PSAP: variants seen among roughly 807,000 people sequenced by gnomAD.
PSAP encodes the protein prosaposin.
Under a neutral mutation model 66.0 loss-of-function variants are expected in PSAP, and 25 were observed. That is an observed-to-expected ratio of 0.38 (90% confidence interval 0.28 to 0.53). The LOEUF (loss-of-function observed/expected upper bound fraction) is 0.53. Ranked by LOEUF, PSAP falls within the 20% of genes least tolerant of loss-of-function variation. The pLI, the probability that PSAP is intolerant of heterozygous loss-of-function variation, is 0.83. For missense variants in PSAP, 649 were observed against 668.8 expected, an observed-to-expected ratio of 0.97 and a Z score of 0.33; for synonymous variants, 273 against 258.9, an observed-to-expected ratio of 1.05 and a Z score of -0.52.
rs759428415 is a variant in PSAP, at chr10:71,819,482, C to T, written c.1333G>A (p.Asp445Asn). The change falls in exon 11 of 14, where the codon GAC becomes AAC. Residue 445 changes from aspartate to asparagine, a missense_variant. Asp to Asn is a conservative substitution (Grantham distance 23). Transcript: ENST00000394936. ...GGGCGTACCTGCTTCTGGTAAGGGT[C>T]TGGCAGGAAGCTGCAGCCTTTCTCA... ...ALEKGCSFLP[D>N]PYQKQCDQFV... 1.2e-6 allele frequency: 2 copies of T among 1,614,234 alleles called. No homozygotes were observed. The highest frequency in any genetic ancestry group is 1.7e-6 in the Non-Finnish European group (2 of 1,180,048).
At chr10:71,831,032 A>C in intron 4 of PSAP, 94 bp downstream of exon 4, 1 of 1,567,584 alleles carries the variant, frequency 6.4e-7, no homozygotes. Flanking sequence ...AGAGCTAAGA[A>C]CAGACTTTCC....
At chr10:71,822,711 T>TC in intron 7 of PSAP, 1 of 438,652 alleles carries the variant, frequency 2.3e-6, no homozygotes, top group Non-Finnish European at 4.8e-6. Context: ...ACTCTGTATA[T>TC]TGTGGAAATA....
intron 1 of PSAP, among the ~76,000 whole-genome samples, chr10:71,843,168 G>GA (rs1564826213): frequency 6.6e-6 from 1 of 152,104 alleles, no homozygotes; most frequent in Non-Finnish European, 1.5e-5. Flanking sequence ...GCAGGGACCC[G>GA]AATGCACAGA....
chr10:71,837,977 C>T (rs1483416249), intron 1 of PSAP, among the ~76,000 whole-genome samples: 1 of 152,164 alleles, frequency 6.6e-6, no homozygotes, highest in Admixed American at 6.5e-5. Flanking sequence ...GCCCCACACA[C>T]CCTAAGGTGA....
intron 1 of PSAP, among the ~76,000 whole-genome samples, chr10:71,842,328 T>C (rs895759558): frequency 2.6e-5 from 4 of 152,230 alleles, no homozygotes; most frequent in South Asian, 4.1e-4. Context: ...CACTAAATAT[T>C]TGTGTTTTGG....
At chr10:71,848,168 T>C (rs1184884205) in intron 1 of PSAP, among the ~76,000 whole-genome samples, 1 of 152,160 alleles carries the variant, frequency 6.6e-6, no homozygotes, top group Admixed American at 6.5e-5. Context: ...AGGTTAACAA[T>C]GTTTCCTTCG....
chr10:71,825,588 G>A, intron 7 of PSAP: 2 of 632,890 alleles, frequency 3.2e-6, no homozygotes, highest in Non-Finnish European at 5.8e-6. Context: ...AACGGGCAGA[G>A]GCAAACAAAT....
chr10:71,846,153 C>T (rs1467156715), intron 1 of PSAP, among the ~76,000 whole-genome samples: 1 of 152,016 alleles, frequency 6.6e-6, no homozygotes, highest in Non-Finnish European at 1.5e-5. Flanking sequence ...AAACAGCAAC[C>T]CAGTGAAATA....
chr10:71,833,027 A>C (rs888945943), intron 2 of PSAP, among the ~76,000 whole-genome samples: 1 of 134,060 alleles, frequency 7.5e-6, no homozygotes, highest in East Asian at 2.0e-4. Context: ...AAAAAAAAAA[A>C]AAAACAAAAA....
chr10:71,822,690 C>T (rs565516413), intron 7 of PSAP: 3 of 471,114 alleles, frequency 6.4e-6, no homozygotes, highest in African/African-American at 6.0e-5. Context: ...AAGAGTGAGA[C>T]AAGTGTATAG....
chr10:71,820,121 A>G, intron 9 of PSAP, 119 bp downstream of exon 9: 1 of 1,019,042 alleles, frequency 9.8e-7, no homozygotes, highest in Non-Finnish European at 1.6e-6. Flanking sequence ...CGAGATGGGG[A>G]CATGGCTGTA....
intron 1 of PSAP, among the ~76,000 whole-genome samples, chr10:71,850,058 A>G (rs1008072987): frequency 1.6e-3 from 59 of 37,814 alleles, no homozygotes; most frequent in African/African-American, 5.2e-3. Flanking sequence ...TAAGACAAGG[A>G]AAAAAAAATC....
Position 71,819,628 on chromosome 10 carries a change from T to G in PSAP, c.1193-6A>C. On this transcript the variant is annotated splice_polypyrimidine_tract_variant and splice_region_variant and intron_variant, in intron 10 of 13. Coordinates refer to ENST00000394936, the MANE Select transcript of PSAP (RefSeq NM_002778.4). ...CTTTGGCTGAGTCACGTGAACTACA[T>G]AAGAGGGCAGCGGGCTCAACGCTGG... 1 of 1,614,098 alleles carries G rather than the reference T, an allele frequency of 6.2e-7. No individual in the cohort carries two copies. Among genetic ancestry groups the G allele is most frequent in the Non-Finnish European group, 8.5e-7 (1 of 1,180,012 alleles).
intron 2 of PSAP, among the ~76,000 whole-genome samples, chr10:71,833,018 A>AAAAAG: frequency 7.4e-6 from 1 of 134,712 alleles, no homozygotes; most frequent in Non-Finnish European, 1.6e-5. Context: ...GTCCATCTCA[A>AAAAAG]AAAAAAAAAA....
chr10:71,830,223 A>AT (rs1842485283), intron 4 of PSAP, among the ~76,000 whole-genome samples: 1 of 152,116 alleles, frequency 6.6e-6, no homozygotes, highest in African/African-American at 2.4e-5. Context: ...ATTTTAGCAA[A>AT]TAACTCCACC....
intron 5 of PSAP, 93 bp downstream of exon 5, chr10:71,828,784 G>T: frequency 1.4e-6 from 2 of 1,411,618 alleles, no homozygotes; most frequent in Non-Finnish European, 2.0e-6. Flanking sequence ...ATAAGCCCCA[G>T]TTTAAGAACC....
chr10:71,845,585 G>A (rs989445738), intron 1 of PSAP, among the ~76,000 whole-genome samples: 2 of 152,152 alleles, frequency 1.3e-5, no homozygotes, highest in African/African-American at 4.8e-5. Context: ...GGACAGCAGT[G>A]GCAGGGACAA....
At chr10:71,829,609 T>C (rs1842471886) in intron 4 of PSAP, among the ~76,000 whole-genome samples, 1 of 152,178 alleles carries the variant, frequency 6.6e-6, no homozygotes, top group South Asian at 2.1e-4. Context: ...TCTTTTTTTA[T>C]AAATTACCCA....
At chr10:71,826,843 C>T (rs1204209341) in intron 6 of PSAP, among the ~76,000 whole-genome samples, 1 of 152,152 alleles carries the variant, frequency 6.6e-6, no homozygotes, top group African/African-American at 2.4e-5. Context: ...CAACCAGCTT[C>T]TCAGCTGCCA....
Sources: gnomAD v4.1 joint callset for allele counts (sites outside exome capture counted in the v4.1 genomes callset) on GRCh38, gnomAD v4.1.1 for gene constraint, MANE v1.5 for transcripts, NCBI Gene and HGNC (gene_info 2026-07-23, HGNC 2026-07-21) for gene names.